Variants in DNAH7 observed in about 807,000 individuals in gnomAD.
The protein encoded by DNAH7 is dynein axonemal heavy chain 7, also known as axonemal beta dynein heavy chain 7.
DNAH7 carries 397 observed loss-of-function variants against 444.6 expected under a neutral mutation model. The ratio of observed to expected loss-of-function variants is 0.89; its 90% CI spans 0.82 to 0.97. The LOEUF (loss-of-function observed/expected upper bound fraction) is 0.97, where lower values mean the gene tolerates loss of function less well. DNAH7 is among the 50% of genes least tolerant of loss of function. The probability of loss-of-function intolerance (pLI) is 0.00; values close to 1 mark genes in which losing one functional copy is unlikely to be tolerated. For missense variants in DNAH7, 4,902 were observed against 4,800.8 expected (o/e 1.02, Z -0.62); for synonymous variants, 1,636 against 1,624.4 (o/e 1.01, Z -0.17).
intron 46 of DNAH7, among the ~76,000 whole-genome samples, chr2:195,853,014 T>C (rs1300921904): frequency 6.6e-6 from 1 of 151,974 alleles, no homozygotes; most frequent in Admixed American, 6.6e-5. Context: ...GAGGCTACCA[T>C]TTTCCCATTA....
At chr2:196,001,490 G>A (rs1694032239) in intron 11 of DNAH7, among the ~76,000 whole-genome samples, 185 bp downstream of exon 11, 1 of 151,910 alleles carries the variant, frequency 6.6e-6, no homozygotes, top group African/African-American at 2.4e-5. Context: ...TCAGCCTCTT[G>A]AGTAGTGGGG....
intron 10 of DNAH7, among the ~76,000 whole-genome samples, chr2:196,005,482 A>G (rs952557997): frequency 2.6e-5 from 4 of 152,052 alleles, no homozygotes; most frequent in Admixed American, 6.5e-5. Context: ...TGACCAAGAA[A>G]AAAGAGCAAA....
At chr2:195,798,337 G>A (rs1696266706) in intron 55 of DNAH7, among the ~76,000 whole-genome samples, 3 of 152,168 alleles carry the variant, frequency 2.0e-5, no homozygotes, top group African/African-American at 7.2e-5. Flanking sequence ...CTCAATACAA[G>A]TGGTGGTGGT....
At chr2:195,881,727 C>T in intron 36 of DNAH7, 68 bp downstream of exon 36, 14 of 1,451,462 alleles carry the variant, frequency 9.6e-6, no homozygotes, top group Non-Finnish European at 1.2e-5. Context: ...AATTATTTGT[C>T]TGCTATTTCA....
chr2:195,934,478 T>C, intron 21 of DNAH7, 113 bp downstream of exon 21: 1 of 1,130,982 alleles, frequency 8.8e-7, no homozygotes, highest in Non-Finnish European at 1.3e-6. Context: ...TTTGAATTGG[T>C]AATTCCATGC....
chr2:195,934,914 GA>G (rs1349632787), intron 20 of DNAH7, 125 bp from the exon 21 acceptor site: 2 of 1,025,620 alleles, frequency 2.0e-6, no homozygotes, highest in East Asian at 5.2e-5. Flanking sequence ...GCAAAAACCG[GA>G]AACCCCCAAA....
At position 196,012,720 on chromosome 2, in the gene DNAH7, A is replaced by G. The variant is rs1694792548; in HGVS notation, c.989+67T>C. ...AAAATTGGATCTTCTAAAAGCAGTTAAAATGCAGTAGCCCACAATCATATT... is the reference window on the plus strand; with the variant it reads ...AAAATTGGATCTTCTAAAAGCAGTTGAAATGCAGTAGCCCACAATCATATT... On this transcript the variant is annotated intron_variant, in intron 10 of 64. Transcript: ENST00000312428. 3.3e-6 allele frequency: 5 copies of G among 1,530,884 alleles called. No individual in the cohort carries two copies. In the Middle Eastern group the frequency reaches 5.4e-4, roughly 164 times the overall value. 94.8% of individuals were successfully genotyped at this position (1,530,884 alleles called of 1,614,324 possible). A position where few individuals can be genotyped will look rare whatever the true frequency, so the allele number is the denominator to read the frequency against.
intron 2 of DNAH7, among the ~76,000 whole-genome samples, chr2:196,053,112 T>C (rs1697584606): frequency 6.6e-6 from 1 of 151,902 alleles, no homozygotes; most frequent in Admixed American, 6.6e-5. Flanking sequence ...AATAAAACAG[T>C]GTGAAGGAAC....
chr2:196,000,763 C>A lies in DNAH7; in HGVS notation c.1294G>T (p.Val432Phe). 6.3e-7 allele frequency: 1 copy of A among 1,594,660 alleles called. No individual in the cohort carries two copies. Among genetic ancestry groups the A allele is most frequent in the Non-Finnish European group, 8.5e-7 (1 of 1,169,978 alleles). ...YIDIFLNVYD[V>F]MIKAVSFVPR... Reference sequence around the variant, plus strand: ...ACAAAACTGACAGCTTTAATCATGACGTCATAAACATTTAGAAAGATATCT... The same window carrying A: ...ACAAAACTGACAGCTTTAATCATGAAGTCATAAACATTTAGAAAGATATCT... Residue 432 changes from valine (V) to phenylalanine (F), a missense_variant, in exon 12 of 65, where the codon GTC becomes TTC. By Grantham distance (50) the Val-to-Phe change is conservative. Coordinates refer to ENST00000312428, the MANE Select transcript of DNAH7 (RefSeq NM_018897.3).
chr2:195,930,941 C>T (rs1203684154), intron 21 of DNAH7, among the ~76,000 whole-genome samples: 1 of 152,102 alleles, frequency 6.6e-6, no homozygotes, highest in Admixed American at 6.6e-5. Context: ...TCAAATACCA[C>T]ACGTTCCCAC....
chr2:196,058,616 C>T (rs1023047785), intron 1 of DNAH7, among the ~76,000 whole-genome samples: 3 of 144,462 alleles, frequency 2.1e-5, no homozygotes, highest in African/African-American at 8.7e-5. Flanking sequence ...GAATAAAAGA[C>T]TTAGGAATAA....
chr2:195,970,040 C>A lies in DNAH7; in HGVS notation c.2113G>T (p.Glu705Ter). 6.2e-7 allele frequency: 1 copy of A among 1,612,984 alleles called. No individual in the cohort carries two copies. Among genetic ancestry groups the A allele is most frequent in the Non-Finnish European group, 8.5e-7 (1 of 1,179,600 alleles). ...ELESYAKQSE[E>*]FYSFGDLQDV... The stretch of plus-strand genomic sequence containing the variant: ...TGAAGATCTCCAAATGAATAAAATT[C>A]TTCTGATTGCTTAGCATAACTCTCC... Residue 705 changes from glutamate to a stop codon, truncating the protein, a stop_gained, in exon 17 of 65, where the codon GAA (glutamate) becomes TAA (stop). Coordinates refer to ENST00000312428, the MANE Select transcript of DNAH7 (RefSeq NM_018897.3). LOFTEE classifies it high-confidence loss of function.
chr2:195,897,797 T>C lies in DNAH7; in HGVS notation c.4549-32A>G, dbSNP rs1191908523. The C allele has an allele frequency of 6.1e-6, 8 of 1,320,610 alleles. No homozygotes were observed. The African/African-American group carries it at 1.0e-4, about 17-fold the overall frequency. The allele number at this position is 1,320,610 out of a possible 1,614,324, so 81.8% of individuals were successfully genotyped here. A position where few individuals can be genotyped will look rare whatever the true frequency, so the allele number is the denominator to read the frequency against. On this transcript the variant is annotated intron_variant, in intron 28 of 64. Transcript: ENST00000312428. Reference sequence around the variant, plus strand: ...AAAAAAAAAAAAACTCATGAGGATATCTGCATCTCCTAACAGCACCTACCC... The same window carrying C: ...AAAAAAAAAAAAACTCATGAGGATACCTGCATCTCCTAACAGCACCTACCC...
At position 196,052,618 on chromosome 2, in the gene DNAH7, G is replaced by A. The variant is rs545175535; in HGVS notation, c.79-1369C>T. Among the ~76,000 whole-genome samples, 13 of 152,280 alleles carry A rather than the reference G, an allele frequency of 8.5e-5. No homozygotes were observed. In the East Asian group the frequency reaches 2.3e-3, roughly 27 times the overall value. On this transcript the variant is annotated intron_variant, in intron 2 of 64. Transcript: ENST00000312428. The stretch of plus-strand genomic sequence containing the variant: ...GTTGTACCACTTTTATGCCTATTAC[G>A]TAGATAAGAAATCATGTAGTCTCTG...
intron 41 of DNAH7, among the ~76,000 whole-genome samples, chr2:195,863,081 C>T (rs1264090056): frequency 6.6e-6 from 1 of 152,152 alleles, no homozygotes; most frequent in Non-Finnish European, 1.5e-5. Flanking sequence ...CTATTTGCTA[C>T]CCTGTCTGAT....
rs1489692267 is a variant in DNAH7, at chr2:195,873,686, G to A, written c.6295C>T (p.Arg2099Ter). The change falls in exon 39 of 65, where the codon CGA becomes TGA. Residue 2099 changes from arginine (R) to a stop codon, truncating the protein, a stop_gained. Transcript: ENST00000312428. LOFTEE classifies it high-confidence loss of function. Reference sequence around the variant, plus strand: ...ATGTATCGAGGAGTTACTGGATTTCGACCACCACCTAAATATTAAAAAGTA... The same window carrying A: ...ATGTATCGAGGAGTTACTGGATTTCAACCACCACCTAAATATTAAAAAGTA... ...MCAMGPPGGG[R>*]NPVTPRYMRH... The A allele has an allele frequency of 6.6e-6, 10 of 1,524,730 alleles. No individual in the cohort carries two copies. The highest frequency in any genetic ancestry group is 1.4e-5 in the South Asian group (1 of 73,956). The allele number at this position is 1,524,730 out of a possible 1,614,324, so 94.5% of individuals were successfully genotyped here. A position where few individuals can be genotyped will look rare whatever the true frequency, so the allele number is the denominator to read the frequency against.
chr2:195,992,815 C>T (rs1463839286), intron 12 of DNAH7, among the ~76,000 whole-genome samples: 1 of 152,202 alleles, frequency 6.6e-6, no homozygotes, highest in Non-Finnish European at 1.5e-5. Context: ...ACTTGGGACG[C>T]CATTCCTGAA....
intron 55 of DNAH7, 70 bp downstream of exon 55, chr2:195,799,226 A>G: frequency 7.7e-7 from 1 of 1,305,334 alleles, no homozygotes; most frequent in East Asian, 2.7e-5. Context: ...CCTCATCCTT[A>G]AAATTTCAAT....
intron 49 of DNAH7, among the ~76,000 whole-genome samples, chr2:195,818,485 C>A (rs1697322363): frequency 6.6e-6 from 1 of 152,114 alleles, no homozygotes; most frequent in South Asian, 2.1e-4. Context: ...CTGTTTCTTT[C>A]CCATAAGCAT....
Sources: gnomAD v4.1 joint callset for allele counts (sites outside exome capture counted in the v4.1 genomes callset) on GRCh38, gnomAD v4.1.1 for gene constraint, MANE v1.5 for transcripts, NCBI Gene and HGNC (gene_info 2026-07-23, HGNC 2026-07-21) for gene names.